The following RNGTT variants were observed in gnomAD, a reference collection of about 807,000 sequenced individuals.
RNGTT encodes the protein RNA guanylyltransferase and 5'-phosphatase.
Under a neutral mutation model 79.3 loss-of-function variants are expected in RNGTT, and 33 were observed. That is an observed-to-expected ratio of 0.42 (90% CI 0.32 to 0.56). RNGTT has a LOEUF of 0.56. Ranked by LOEUF, RNGTT falls within the 20% of genes least tolerant of loss-of-function variation. RNGTT has a pLI of 0.17. For missense variants in RNGTT, 497 were observed against 739.1 expected (o/e 0.67, Z 3.80); for synonymous variants, 222 against 235.9 (o/e 0.94, Z 0.54).
chr6:88,628,744 A>G (rs1184458161), intron 14 of RNGTT, among the ~76,000 whole-genome samples: 1 of 152,194 alleles, frequency 6.6e-6, no homozygotes, highest in Non-Finnish European at 1.5e-5. Context: ...TCTTCAAGAC[A>G]GCATTTGGAT....
chr6:88,831,956 G>A (rs1245701529), intron 11 of RNGTT, among the ~76,000 whole-genome samples: 3 of 152,028 alleles, frequency 2.0e-5, no homozygotes, highest in African/African-American at 4.8e-5. Flanking sequence ...AAACAAATGG[G>A]AAAATATTCC....
At position 88,886,081 on chromosome 6, in the gene RNGTT, G is replaced by A. The variant is rs191285123; in HGVS notation, c.896+4414C>T. ...AGCACTTTGGGAGGCCGAGGCAGGC[G>A]GATCACGACGTCAGGAGATCGAGAC... is the stretch of plus-strand genomic sequence containing the variant. On this transcript the variant is annotated intron_variant, in intron 8 of 15. Coordinates refer to ENST00000369485, the MANE Select transcript of RNGTT (RefSeq NM_003800.5). Among the ~76,000 whole-genome samples, 25 of 152,288 alleles carry A rather than the reference G, an allele frequency of 1.6e-4. No individual in the cohort carries two copies. In the East Asian group the frequency reaches 3.9e-3, roughly 24 times the overall value.
chr6:88,929,875 TACATAC>T (rs768782693), intron 2 of RNGTT, among the ~76,000 whole-genome samples: 4 of 143,002 alleles, frequency 2.8e-5, no homozygotes, highest in Non-Finnish European at 6.3e-5. Flanking sequence ...TATGCATATA[TACATAC>T]ACACATATAT....
At position 88,611,262 on chromosome 6, in the gene RNGTT, T is replaced by C. The variant is rs1772012041; in HGVS notation, c.*1457A>G. 1 of 152,664 alleles carries C rather than the reference T, an allele frequency of 6.6e-6. No homozygotes were observed. Among genetic ancestry groups the C allele is most frequent in the Non-Finnish European group, 1.5e-5 (1 of 68,046 alleles). 9.5% of individuals were successfully genotyped at this position (152,664 alleles called of 1,614,324 possible). ...TTTTGGTTCATCTGTGCTATGTCCA[T>C]ATAGAAATCCCGTCAGATATTCAGT... On this transcript the variant is annotated 3_prime_UTR_variant, in exon 16 of 16. Transcript: ENST00000369485.
chr6:88,758,462 T>A lies in RNGTT; in HGVS notation c.1439+11312A>T, dbSNP rs1412356300. 9.2e-5 allele frequency among the ~76,000 whole-genome samples: 14 copies of A among 152,218 alleles called. No homozygotes were observed. The East Asian group carries it at 2.1e-3, about 23-fold the overall frequency. Reference sequence around the variant, plus strand: ...AAGGTGTCTATTGCTCCAGGTAGTTTTTGACCATCTGAAATTATGTATATT... The same window carrying A: ...AAGGTGTCTATTGCTCCAGGTAGTTATTGACCATCTGAAATTATGTATATT... On this transcript the variant is annotated intron_variant, in intron 13 of 15. Coordinates refer to ENST00000369485, the MANE Select transcript of RNGTT (RefSeq NM_003800.5).
intron 11 of RNGTT, among the ~76,000 whole-genome samples, chr6:88,808,294 G>A (rs1180379690): frequency 1.3e-5 from 2 of 152,170 alleles, no homozygotes; most frequent in African/African-American, 4.8e-5. Context: ...ACCCCAACTA[G>A]GAAGTGGCAT....
intron 12 of RNGTT, among the ~76,000 whole-genome samples, chr6:88,772,884 A>C (rs944767301): frequency 7.9e-5 from 12 of 152,138 alleles, no homozygotes; most frequent in African/African-American, 2.7e-4. Context: ...ACTGTAAACT[A>C]GTTCAACCAT....
chr6:88,678,127 T>C (rs926029565), intron 14 of RNGTT: 44 of 741,258 alleles, frequency 5.9e-5, no homozygotes, highest in Admixed American at 8.8e-5. Flanking sequence ...GCTGGGACTA[T>C]AGGCACATGC....
At chr6:88,806,006 C>A (rs1779941008) in intron 11 of RNGTT, among the ~76,000 whole-genome samples, 1 of 152,104 alleles carries the variant, frequency 6.6e-6, no homozygotes, top group Non-Finnish European at 1.5e-5. Context: ...TCAACCACTA[C>A]CCCTCCCCAC....
chr6:88,639,060 T>C (rs187362311), intron 14 of RNGTT, among the ~76,000 whole-genome samples: 3 of 152,168 alleles, frequency 2.0e-5, no homozygotes, highest in Admixed American at 1.3e-4. Flanking sequence ...AAAAATGATG[T>C]CAAAGATGTC....
chr6:88,783,540 G>T (rs555166292), intron 12 of RNGTT, among the ~76,000 whole-genome samples: 301 of 152,038 alleles, frequency 2.0e-3, no homozygotes, highest in African/African-American at 4.7e-3. Context: ...ATTTCTATAC[G>T]TCAAAAAAGT....
At chr6:88,919,819 T>C (rs992887812) in intron 4 of RNGTT, among the ~76,000 whole-genome samples, 1 of 146,604 alleles carries the variant, frequency 6.8e-6, no homozygotes, top group Admixed American at 7.1e-5. Flanking sequence ...GCCTCCTGAG[T>C]ACCTGGGATT....
At chr6:88,717,239 T>A (rs1387665776) in intron 13 of RNGTT, among the ~76,000 whole-genome samples, 1 of 152,228 alleles carries the variant, frequency 6.6e-6, no homozygotes, top group African/African-American at 2.4e-5. Flanking sequence ...TATTGTTCAA[T>A]ATAATACTTT....
At chr6:88,909,805 A>G (rs1783774690) in intron 4 of RNGTT, among the ~76,000 whole-genome samples, 1 of 152,122 alleles carries the variant, frequency 6.6e-6, no homozygotes, top group Non-Finnish European at 1.5e-5. Context: ...GCAAAACAAA[A>G]TACACTGCTT....
intron 14 of RNGTT, among the ~76,000 whole-genome samples, chr6:88,635,831 TTAATA>T (rs907360282): frequency 3.3e-5 from 5 of 151,802 alleles, no homozygotes; most frequent in African/African-American, 7.3e-5. Flanking sequence ...TTTTTGCTAC[TTAATA>T]TATCACTCCT....
chr6:88,904,254 T>C (rs143794739), intron 6 of RNGTT, among the ~76,000 whole-genome samples: 7 of 152,204 alleles, frequency 4.6e-5, no homozygotes, highest in African/African-American at 1.7e-4. Flanking sequence ...TTTTTCTCTT[T>C]GAAAAGACAG....
At chr6:88,888,895 G>A (rs934904358) in intron 8 of RNGTT, among the ~76,000 whole-genome samples, 8 of 152,174 alleles carry the variant, frequency 5.3e-5, no homozygotes, top group African/African-American at 1.7e-4. Context: ...CAGGTGTGGT[G>A]GCACATGCCA....
chr6:88,958,268 C>T (rs182227155), intron 1 of RNGTT, among the ~76,000 whole-genome samples: 110 of 152,272 alleles, frequency 7.2e-4, no homozygotes, highest in Admixed American at 3.2e-3. Flanking sequence ...CATAAAAATT[C>T]TAGAAGATAA....
chr6:88,905,609 T>C (rs117328953), intron 5 of RNGTT, among the ~76,000 whole-genome samples: 4,195 of 152,328 alleles, frequency 0.028, 90 homozygotes, highest in Non-Finnish European at 0.045. Flanking sequence ...ATATATTCTC[T>C]TAAGAATATT....
Sources: gnomAD v4.1 joint callset for allele counts (sites outside exome capture counted in the v4.1 genomes callset) on GRCh38, gnomAD v4.1.1 for gene constraint, MANE v1.5 for transcripts, NCBI Gene and HGNC (gene_info 2026-07-23, HGNC 2026-07-21) for gene names.